APBB2: variants seen among roughly 807,000 people sequenced by gnomAD.
APBB2 encodes amyloid beta precursor protein binding family B member 2, also known as Fe65-like 1.
APBB2 carries 38 observed loss-of-function variants against 82.5 expected under a neutral mutation model. That is an observed-to-expected ratio of 0.46 (90% CI 0.36 to 0.60). The LOEUF (loss-of-function observed/expected upper bound fraction) is 0.60. APBB2 is among the 20% of genes least tolerant of loss of function. The pLI is 0.00. For missense variants in APBB2, 772 were observed against 972.3 expected (o/e 0.79, Z 2.74); for synonymous variants, 341 against 368.2 (o/e 0.93, Z 0.85).
chr4:40,850,846 G>A (rs1394878345), intron 12 of APBB2, among the ~76,000 whole-genome samples: 1 of 152,188 alleles, frequency 6.6e-6, no homozygotes, highest in Non-Finnish European at 1.5e-5. Context: ...TCAGGAGGCT[G>A]AGGCAGGAGA....
intron 4 of APBB2, among the ~76,000 whole-genome samples, chr4:41,041,096 G>C (rs111725557): frequency 1.3e-5 from 2 of 152,202 alleles, no homozygotes; most frequent in South Asian, 4.2e-4. Flanking sequence ...TAGCCAGGAT[G>C]GTCTCGATCT....
chr4:41,196,528 TC>T, intron 1 of APBB2, among the ~76,000 whole-genome samples: 5 of 147,152 alleles, frequency 3.4e-5, no homozygotes, highest in Non-Finnish European at 7.4e-5. Flanking sequence ...ATTAAGCATC[TC>T]CCCCAAAACC....
intron 10 of APBB2, among the ~76,000 whole-genome samples, chr4:40,925,233 C>A (rs1231347489): frequency 6.6e-6 from 1 of 152,150 alleles, no homozygotes; most frequent in Non-Finnish European, 1.5e-5. Flanking sequence ...GTAGTAGGAA[C>A]AGTATAATGG....
At chr4:40,933,394 T>C (rs1784687065) in intron 10 of APBB2, among the ~76,000 whole-genome samples, 1 of 152,018 alleles carries the variant, frequency 6.6e-6, no homozygotes, top group African/African-American at 2.4e-5. Context: ...CCCCACAATC[T>C]CAACCCACAG....
At chr4:41,047,474 T>G (rs1256207446) in intron 4 of APBB2, among the ~76,000 whole-genome samples, 1 of 152,244 alleles carries the variant, frequency 6.6e-6, no homozygotes, top group Non-Finnish European at 1.5e-5. Flanking sequence ...CCAGGTAATA[T>G]TAAGTATCTA....
chr4:40,873,937 C>T (rs1044255310), intron 12 of APBB2, among the ~76,000 whole-genome samples: 2 of 152,182 alleles, frequency 1.3e-5, no homozygotes, highest in Non-Finnish European at 2.9e-5. Context: ...TGGGGCATTA[C>T]AATTGAACTC....
intron 5 of APBB2, among the ~76,000 whole-genome samples, chr4:41,030,214 C>A (rs554055029): frequency 1.5e-4 from 23 of 151,918 alleles, no homozygotes; most frequent in Non-Finnish European, 3.2e-4. Flanking sequence ...CAGCAGTGGA[C>A]AAGAAAGAAA....
intron 1 of APBB2, among the ~76,000 whole-genome samples, chr4:41,153,936 T>G (rs1486559390): frequency 3.3e-5 from 5 of 152,208 alleles, no homozygotes; most frequent in Non-Finnish European, 1.5e-5. Flanking sequence ...AGTTTATACC[T>G]AGTTTATATT....
intron 2 of APBB2, among the ~76,000 whole-genome samples, chr4:41,130,817 C>T (rs957106797): frequency 6.6e-6 from 1 of 152,054 alleles, no homozygotes; most frequent in Non-Finnish European, 1.5e-5. Context: ...AATGTTAAGG[C>T]CTTGTAGGAC....
At chr4:40,878,120 G>A (rs1476830222) in intron 12 of APBB2, among the ~76,000 whole-genome samples, 1 of 149,580 alleles carries the variant, frequency 6.7e-6, no homozygotes, top group East Asian at 1.9e-4. Flanking sequence ...GCTGAGGAAG[G>A]CGGATCACTT....
At chr4:40,912,405 C>T (rs938690063) in intron 10 of APBB2, among the ~76,000 whole-genome samples, 6 of 152,116 alleles carry the variant, frequency 3.9e-5, no homozygotes, top group Non-Finnish European at 7.4e-5. Context: ...GGTGTAACTC[C>T]GTCTCTACTA....
chr4:41,117,722 T>C (rs1305714880), intron 2 of APBB2, among the ~76,000 whole-genome samples: 1 of 152,158 alleles, frequency 6.6e-6, no homozygotes, highest in East Asian at 1.9e-4. Flanking sequence ...GCTTCCAAAT[T>C]CCTAAGCGCT....
At chr4:40,929,027 T>C (rs1783423276) in intron 10 of APBB2, among the ~76,000 whole-genome samples, 1 of 150,924 alleles carries the variant, frequency 6.6e-6, no homozygotes, top group Non-Finnish European at 1.5e-5. Flanking sequence ...ACAGTGTTTA[T>C]TAAAAATCAG....
intron 3 of APBB2, among the ~76,000 whole-genome samples, chr4:41,099,314 C>A (rs764615822): frequency 6.6e-6 from 1 of 151,976 alleles, no homozygotes; most frequent in Admixed American, 6.6e-5. Flanking sequence ...CTGCAACCTC[C>A]GCCTCCCAGG....
At chr4:40,974,741 G>A (rs141288254) in intron 6 of APBB2, among the ~76,000 whole-genome samples, 1 of 152,164 alleles carries the variant, frequency 6.6e-6, no homozygotes, top group East Asian at 1.9e-4. Flanking sequence ...ACTTTGGGCT[G>A]GATTCTAACA....
chr4:41,066,744 T>A (rs750429159), intron 3 of APBB2, among the ~76,000 whole-genome samples: 12 of 151,892 alleles, frequency 7.9e-5, no homozygotes, highest in Non-Finnish European at 1.5e-4. Context: ...GCCTGCAGAG[T>A]GAGGCCAGAA....
chr4:40,928,268 C>T (rs528394030), intron 10 of APBB2, among the ~76,000 whole-genome samples: 37 of 152,278 alleles, frequency 2.4e-4, no homozygotes, highest in Non-Finnish European at 4.3e-4. Flanking sequence ...GGGGACTGGG[C>T]GCAGTGGCTC....
intron 5 of APBB2, among the ~76,000 whole-genome samples, chr4:41,020,820 G>A (rs1020480447): frequency 1.3e-5 from 2 of 152,164 alleles, no homozygotes; most frequent in African/African-American, 2.4e-5. Flanking sequence ...GTGACACTCC[G>A]AAGCCTCTGA....
chr4:40,844,502 T>G (rs1406836894), intron 12 of APBB2, among the ~76,000 whole-genome samples: 4 of 152,212 alleles, frequency 2.6e-5, no homozygotes, highest in Admixed American at 6.5e-5. Context: ...GCATTTGAGA[T>G]GGACTGTCTC....
Sources: gnomAD v4.1 joint callset for allele counts (sites outside exome capture counted in the v4.1 genomes callset) on GRCh38, gnomAD v4.1.1 for gene constraint, MANE v1.5 for transcripts, NCBI Gene and HGNC (gene_info 2026-07-23, HGNC 2026-07-21) for gene names.